Variants in NDUFAF6 observed in about 807,000 individuals in gnomAD.
NDUFAF6 encodes NADH:ubiquinone oxidoreductase complex assembly factor 6.
A neutral mutation model predicts 40.8 loss-of-function variants in NDUFAF6; 45 were observed. The ratio of observed to expected loss-of-function variants is 1.10; its 90% confidence interval spans 0.87 to 1.42. The LOEUF (loss-of-function observed/expected upper bound fraction) is 1.42, where lower values mean the gene tolerates loss of function less well. Ranked by LOEUF, NDUFAF6 falls within the 40% of genes most tolerant of loss-of-function variation. The probability of loss-of-function intolerance (pLI) is 0.00; values close to 1 mark genes in which losing one functional copy is unlikely to be tolerated. For missense variants in NDUFAF6, 435 were observed against 418.5 expected (o/e 1.04, Z -0.34); for synonymous variants, 185 against 155.9 (o/e 1.19, Z -1.39).
At chr8:94,900,586 A>G (rs1817950863) in intron 1 of NDUFAF6, among the ~76,000 whole-genome samples, 3 of 152,166 alleles carry the variant, frequency 2.0e-5, no homozygotes, top group Non-Finnish European at 4.4e-5. Context: ...AGAGAACAGA[A>G]AAGTCCGGCA....
At chr8:95,103,816 A>G (rs1416449604), downstream of NDUFAF6, among the ~76,000 whole-genome samples, 1 of 152,216 alleles carries the variant, frequency 6.6e-6, no homozygotes, top group Admixed American at 6.5e-5. Flanking sequence ...GTAGGGCAAG[A>G]GGACAGGATT....
chr8:95,107,955 T>C (rs1048847483), downstream of NDUFAF6, among the ~76,000 whole-genome samples: 1 of 152,208 alleles, frequency 6.6e-6, no homozygotes, highest in Non-Finnish European at 1.5e-5. Flanking sequence ...TTGGTTAGGC[T>C]GTGTTGGCAA....
chr8:94,904,769 C>T (rs1165450286), intron 1 of NDUFAF6, among the ~76,000 whole-genome samples: 1 of 151,982 alleles, frequency 6.6e-6, no homozygotes, highest in Non-Finnish European at 1.5e-5. Context: ...TTTTCATGCC[C>T]TCCCATGGTT....
chr8:95,058,239 G>A lies in NDUFAF6; in HGVS notation c.*302G>A. On this transcript the variant is annotated 3_prime_UTR_variant, in exon 9 of 9. Transcript: ENST00000396124. ...TGCATAGGCCATAAGCCACACTTGA[G>A]CCAGTGGGCAGGGAGAAGGAATGTC... 2 of 1,326,474 alleles carry A rather than the reference G, an allele frequency of 1.5e-6. No individual in the cohort carries two copies. The highest frequency in any genetic ancestry group is 1.9e-6 in the Non-Finnish European group (2 of 1,044,166). 82.2% of individuals were successfully genotyped at this position (1,326,474 alleles called of 1,614,324 possible). A position where few individuals can be genotyped will look rare whatever the true frequency, so the allele number is the denominator to read the frequency against.
intron 1 of NDUFAF6, among the ~76,000 whole-genome samples, chr8:94,909,659 C>T (rs761262602): frequency 3.3e-5 from 5 of 151,640 alleles, no homozygotes; most frequent in Admixed American, 2.0e-4. Flanking sequence ...AAAAGCCAGC[C>T]GGGCGTGGTA....
intron 1 of NDUFAF6, among the ~76,000 whole-genome samples, chr8:94,937,808 G>A (rs1016335077): frequency 3.9e-5 from 6 of 152,054 alleles, no homozygotes; most frequent in East Asian, 3.8e-4. Flanking sequence ...TTGCAAAACT[G>A]GAGCCAACAA....
intron 2 of NDUFAF6, among the ~76,000 whole-genome samples, chr8:95,000,544 A>G (rs888535414): frequency 6.6e-6 from 1 of 152,040 alleles, no homozygotes; most frequent in African/African-American, 2.4e-5. Context: ...ATTAGATAAG[A>G]TATGCAAAAA....
intron 1 of NDUFAF6, among the ~76,000 whole-genome samples, chr8:94,899,296 T>G (rs1817862655): frequency 6.6e-6 from 1 of 152,252 alleles, no homozygotes; most frequent in Admixed American, 6.5e-5. Flanking sequence ...CTTCACATTC[T>G]ACTTTGAAGC....
intron 2 of NDUFAF6, among the ~76,000 whole-genome samples, chr8:94,992,816 T>G (rs1343002455): frequency 6.6e-6 from 1 of 152,196 alleles, no homozygotes; most frequent in Non-Finnish European, 1.5e-5. Context: ...TTCTCTTGCC[T>G]TAAAAAACAG....
At chr8:95,047,711 A>G (rs1444790430) in intron 6 of NDUFAF6, among the ~76,000 whole-genome samples, 1 of 151,354 alleles carries the variant, frequency 6.6e-6, no homozygotes, top group Non-Finnish European at 1.5e-5. Context: ...AGGTTTCACC[A>G]TGTTAGCCAG....
At position 95,075,031 on chromosome 8, in the gene NDUFAF6, A is replaced by C. The variant is rs140949748; in HGVS notation, c.*512-602A>C. Among the ~76,000 whole-genome samples the C allele has an allele frequency of 6.0e-3, 908 of 152,318 alleles. 13 individuals carry two copies. The highest frequency in any genetic ancestry group is 0.021 in the African/African-American group (861 of 41,554). ...AAACATTATTTCTCAATTGGTAAGC[A>C]AACACATCCCTCACTGATTGTTGGT... On this transcript the variant is annotated intron_variant and NMD_transcript_variant, in intron 9 of 9. Coordinates refer to the NDUFAF6 transcript ENST00000520757.
At chr8:94,899,206 T>A (rs762455040) in intron 1 of NDUFAF6, among the ~76,000 whole-genome samples, 9 of 152,214 alleles carry the variant, frequency 5.9e-5, no homozygotes, top group Admixed American at 2.0e-4. Flanking sequence ...GCCAATTTTT[T>A]AAATTAGAAT....
chr8:94,927,194 C>T (rs1195776639), intron 1 of NDUFAF6: 1 of 152,410 alleles, frequency 6.6e-6, no homozygotes, highest in Non-Finnish European at 1.5e-5. Context: ...TTTTTGTTTC[C>T]AACTCAGAGA....
At chr8:94,980,668 C>T (rs1218305419) in intron 1 of NDUFAF6, among the ~76,000 whole-genome samples, 1 of 150,348 alleles carries the variant, frequency 6.7e-6, no homozygotes, top group African/African-American at 2.5e-5. Flanking sequence ...CCAGACTGGT[C>T]TTGAACTCCT....
At chr8:94,941,553 C>T (rs917472602) in intron 1 of NDUFAF6, among the ~76,000 whole-genome samples, 1 of 152,218 alleles carries the variant, frequency 6.6e-6, no homozygotes, top group Non-Finnish European at 1.5e-5. Flanking sequence ...TAACTGTAAG[C>T]ACACCTGATT....
intron 1 of NDUFAF6, among the ~76,000 whole-genome samples, chr8:94,979,295 C>T (rs1009466060): frequency 6.6e-6 from 1 of 152,208 alleles, no homozygotes; most frequent in Admixed American, 6.5e-5. Context: ...TGCCTACACC[C>T]TGGGCTTCAA....
At chr8:95,012,844 CT>C (rs1394971949) in intron 2 of NDUFAF6, among the ~76,000 whole-genome samples, 1 of 151,772 alleles carries the variant, frequency 6.6e-6, no homozygotes, top group African/African-American at 2.4e-5. Flanking sequence ...GCAAAAACCC[CT>C]TTTAATGGGT....
intron 1 of NDUFAF6, among the ~76,000 whole-genome samples, chr8:94,919,704 A>G (rs1181330572): frequency 6.6e-6 from 1 of 152,188 alleles, no homozygotes; most frequent in African/African-American, 2.4e-5. Context: ...GAACATTACT[A>G]TCCTGTCTCC....
chr8:94,896,343 A>G (rs1437245174), intron 1 of NDUFAF6: 2 of 146,682 alleles, frequency 1.4e-5, no homozygotes, highest in Non-Finnish European at 3.0e-5. Flanking sequence ...TTCGCGCCCG[A>G]GCGCTGTTGG....
Sources: gnomAD v4.1 joint callset for allele counts (sites outside exome capture counted in the v4.1 genomes callset) on GRCh38, gnomAD v4.1.1 for gene constraint, MANE v1.5 for transcripts, NCBI Gene and HGNC (gene_info 2026-07-23, HGNC 2026-07-21) for gene names.